The following FNDC3B variants were observed in gnomAD, a reference collection of about 807,000 sequenced individuals.
FNDC3B encodes the protein fibronectin type III domain containing 3B, also known as fibronectin type III domain-containing protein 3B.
In FNDC3B, 12 loss-of-function variants were observed where a neutral mutation model predicts 151.5. That is an observed-to-expected ratio of 0.08 (90% CI 0.05 to 0.13). The LOEUF is 0.13. FNDC3B is among the 10% of genes least tolerant of loss of function. The pLI is 1.00. For missense variants in FNDC3B, 1,214 were observed against 1,505.3 expected, an observed-to-expected ratio of 0.81 and a Z score of 3.20; for synonymous variants, 528 against 549.0, an observed-to-expected ratio of 0.96 and a Z score of 0.54.
chr3:172,203,351 A>G (rs921638790), intron 3 of FNDC3B, among the ~76,000 whole-genome samples: 1 of 152,204 alleles, frequency 6.6e-6, no homozygotes, highest in African/African-American at 2.4e-5. Context: ...CAGATAGCAA[A>G]TTCATGCCCA....
At chr3:172,312,670 G>A (rs1252222184) in intron 11 of FNDC3B, among the ~76,000 whole-genome samples, 1 of 152,012 alleles carries the variant, frequency 6.6e-6, no homozygotes, top group Non-Finnish European at 1.5e-5. Flanking sequence ...ACTCGTGCAT[G>A]CATATGAATC....
At chr3:172,230,711 A>T (rs1166711151) in intron 4 of FNDC3B, among the ~76,000 whole-genome samples, 2 of 152,360 alleles carry the variant, frequency 1.3e-5, no homozygotes, top group Admixed American at 1.3e-4. Flanking sequence ...CAGTTAGAGC[A>T]TGAAAAGATG....
intron 8 of FNDC3B, among the ~76,000 whole-genome samples, chr3:172,296,259 TG>T (rs745526350): frequency 1.4e-3 from 207 of 152,318 alleles, no homozygotes; most frequent in Non-Finnish European, 2.3e-3. Context: ...GGTAATAATG[TG>T]GTCACACAAT....
rs529457388 is a variant in FNDC3B, at chr3:172,376,769, G to C, written c.3009-1501G>C. Among the ~76,000 whole-genome samples, 41 of 151,638 alleles carry C rather than the reference G, an allele frequency of 2.7e-4. No homozygotes were observed. In the South Asian group the frequency reaches 8.3e-3, roughly 31 times the overall value. The stretch of plus-strand genomic sequence containing the variant: ...AACACTAAATAGGTGAAATGACCAG[G>C]GCTCAGGAACTTGATTGCAGAGGCT... On this transcript the variant is annotated intron_variant, in intron 23 of 25. Coordinates refer to ENST00000415807, the MANE Select transcript of FNDC3B (RefSeq NM_022763.4).
At chr3:172,177,626 CTTTTTTTTT>C (rs10684671) in intron 3 of FNDC3B, among the ~76,000 whole-genome samples, 5 of 84,820 alleles carry the variant, frequency 5.9e-5, no homozygotes, top group Admixed American at 4.0e-4. Context: ...TTACCACCAT[CTTTTTTTTT>C]TTTTTTTTTT....
At chr3:172,161,225 C>T (rs778535225) in intron 3 of FNDC3B, among the ~76,000 whole-genome samples, 6 of 152,126 alleles carry the variant, frequency 3.9e-5, no homozygotes, top group Non-Finnish European at 5.9e-5. Flanking sequence ...GAATGTGAAC[C>T]GACTGATCGC....
At chr3:172,133,689 A>G (rs367594838) in intron 3 of FNDC3B, 143 bp downstream of exon 3, 51 of 728,348 alleles carry the variant, frequency 7.0e-5, no homozygotes, top group South Asian at 5.8e-4. Context: ...TTTCTGTCGC[A>G]TGGTCTCAAA....
intron 1 of FNDC3B, among the ~76,000 whole-genome samples, chr3:172,106,263 G>A (rs145403912): frequency 1.3e-5 from 2 of 152,158 alleles, no homozygotes; most frequent in Non-Finnish European, 2.9e-5. Context: ...AGCCTTCTGA[G>A]TAGCTGGGAC....
chr3:172,159,796 A>C (rs1395204849), intron 3 of FNDC3B, among the ~76,000 whole-genome samples: 1 of 152,210 alleles, frequency 6.6e-6, no homozygotes, highest in African/African-American at 2.4e-5. Context: ...TCATTTTAAA[A>C]AGTTAGCCAC....
intron 4 of FNDC3B, chr3:172,227,379 T>A (rs189125603): frequency 6.5e-6 from 1 of 153,974 alleles, no homozygotes; most frequent in Non-Finnish European, 1.4e-5. Flanking sequence ...TGCTCCACAA[T>A]GTGGCAAAAG....
chr3:172,268,861 G>A (rs939020366), intron 6 of FNDC3B, among the ~76,000 whole-genome samples: 1 of 152,286 alleles, frequency 6.6e-6, no homozygotes, highest in Middle Eastern at 3.4e-3. Flanking sequence ...GTCACTTGCA[G>A]CATATACCAT....
chr3:172,246,590 G>C (rs1727789106), intron 4 of FNDC3B, among the ~76,000 whole-genome samples: 1 of 152,190 alleles, frequency 6.6e-6, no homozygotes. Context: ...GGATGAATTA[G>C]AAAACATTCA....
intron 3 of FNDC3B, among the ~76,000 whole-genome samples, chr3:172,214,962 A>G (rs889169027): frequency 2.0e-5 from 3 of 152,264 alleles, no homozygotes; most frequent in Admixed American, 1.3e-4. Context: ...AAATATATTG[A>G]GTAATGATAT....
At chr3:172,294,611 C>T (rs945766143) in intron 7 of FNDC3B, among the ~76,000 whole-genome samples, 2 of 152,146 alleles carry the variant, frequency 1.3e-5, no homozygotes, top group Non-Finnish European at 2.9e-5. Flanking sequence ...GACACAAATC[C>T]AAACCGTATC....
chr3:172,387,595 G>A (rs1286242728), intron 25 of FNDC3B, among the ~76,000 whole-genome samples: 1 of 152,044 alleles, frequency 6.6e-6, no homozygotes, highest in Non-Finnish European at 1.5e-5. Context: ...GGCTTTTTTA[G>A]TTTTATAGGT....
intron 23 of FNDC3B, among the ~76,000 whole-genome samples, chr3:172,374,266 G>C (rs1039894504): frequency 6.6e-6 from 1 of 152,146 alleles, no homozygotes. Flanking sequence ...AGTGATGTCC[G>C]TGGTCTCTCA....
intron 3 of FNDC3B, among the ~76,000 whole-genome samples, chr3:172,152,554 C>T (rs9825202): frequency 0.52 from 76,316 of 147,638 alleles, 20,699 homozygotes; most frequent in African/African-American, 0.59. Flanking sequence ...CTGTTTCTGC[C>T]ACTCACATTC....
In FNDC3B at chr3:172,130,901, C is replaced by A. The variant is rs577346412; in HGVS notation, c.112-2570C>A. Reference sequence around the variant, plus strand: ...CCATGGGCATATATTACAGTTCTATCCCTAGAGCTTTAAACACAAAGCAAA... The same window carrying A: ...CCATGGGCATATATTACAGTTCTATACCTAGAGCTTTAAACACAAAGCAAA... On this transcript the variant is annotated intron_variant, in intron 2 of 25. Transcript: ENST00000415807. Among the ~76,000 whole-genome samples, 9 of 152,228 alleles carry A rather than the reference C, an allele frequency of 5.9e-5. No individual in the cohort carries two copies. The East Asian group carries it at 1.7e-3, about 29-fold the overall frequency.
intron 13 of FNDC3B, among the ~76,000 whole-genome samples, chr3:172,331,910 A>G (rs1282794833): frequency 2.6e-5 from 4 of 152,176 alleles, no homozygotes; most frequent in Admixed American, 1.3e-4. Flanking sequence ...GGTGGCACCT[A>G]TACACATACA....
Sources: gnomAD v4.1 joint callset for allele counts (sites outside exome capture counted in the v4.1 genomes callset) on GRCh38, gnomAD v4.1.1 for gene constraint, MANE v1.5 for transcripts, NCBI Gene and HGNC (gene_info 2026-07-23, HGNC 2026-07-21) for gene names.